Variants in TYW1B observed in about 807,000 individuals in gnomAD.
TYW1B encodes the protein S-adenosyl-L-methionine-dependent tRNA 4-demethylwyosine synthase TYW1B.
A neutral mutation model predicts 86.9 loss-of-function variants in TYW1B; 73 were observed. The ratio of observed to expected loss-of-function variants is 0.84; its 90% CI spans 0.70 to 1.02. TYW1B has a LOEUF of 1.02. Ranked by LOEUF, TYW1B falls within the 50% of genes least tolerant of loss-of-function variation. TYW1B has a pLI of 0.00. For missense variants in TYW1B, 637 were observed against 827.4 expected (o/e 0.77, Z 2.82); for synonymous variants, 248 against 292.8 (o/e 0.85, Z 1.56).
At chr7:72,815,756 T>C (rs1255118535) in intron 2 of TYW1B, among the ~76,000 whole-genome samples, 1 of 152,080 alleles carries the variant, frequency 6.6e-6, no homozygotes, top group Non-Finnish European at 1.5e-5. Context: ...AATAAACATA[T>C]CAGCCAGGCA....
intron 7 of TYW1B, among the ~76,000 whole-genome samples, chr7:72,754,023 C>T (rs782751328): frequency 2.6e-5 from 4 of 152,122 alleles, no homozygotes; most frequent in Non-Finnish European, 4.4e-5. Flanking sequence ...TGTTGGCATG[C>T]TAGCCCTACT....
In TYW1B at chr7:72,634,516, C is replaced by T. The variant is rs1812621261; in HGVS notation, c.1507-5519G>A. On this transcript the variant is annotated intron_variant, in intron 11 of 13. Coordinates refer to ENST00000620995, the MANE Select transcript of TYW1B (RefSeq NM_001145440.3). ...ACTTGTCTCTTGATGCACAAGAACA[C>T]ACATTTTCTAGGATCTACCTAAATA... is the stretch of plus-strand genomic sequence containing the variant. Among the ~76,000 whole-genome samples, 3 of 150,152 alleles carry T rather than the reference C, an allele frequency of 2.0e-5. No homozygotes were observed. In the South Asian group the frequency reaches 6.4e-4, roughly 32 times the overall value.
chr7:72,803,681 T>C (rs1192708784), intron 5 of TYW1B, among the ~76,000 whole-genome samples: 4 of 152,110 alleles, frequency 2.6e-5, no homozygotes, highest in African/African-American at 9.7e-5. Flanking sequence ...TGGCGTGATC[T>C]TGGCTCACTG....
chr7:72,780,181 G>T (rs530873877), intron 6 of TYW1B, among the ~76,000 whole-genome samples: 24 of 152,238 alleles, frequency 1.6e-4, no homozygotes, highest in Middle Eastern at 3.4e-3. Flanking sequence ...TGTCGCCCAG[G>T]CTGGTCTCAA....
chr7:72,732,315 A>G (rs1245041043), intron 8 of TYW1B, among the ~76,000 whole-genome samples: 1 of 152,182 alleles, frequency 6.6e-6, no homozygotes, highest in Non-Finnish European at 1.5e-5. Context: ...TTCATACTAC[A>G]CCTGCAGAAT....
intron 13 of TYW1B, among the ~76,000 whole-genome samples, chr7:72,595,411 T>TG (rs1392923909): frequency 2.0e-5 from 3 of 151,406 alleles, no homozygotes; most frequent in Non-Finnish European, 4.4e-5. Context: ...CCATAGTGAG[T>TG]GGTGGCTCAT....
At chr7:72,649,672 T>C (rs1813014354) in intron 11 of TYW1B, among the ~76,000 whole-genome samples, 1 of 152,176 alleles carries the variant, frequency 6.6e-6, no homozygotes. Flanking sequence ...AGCCAAATTA[T>C]GCTTCACAAA....
intron 11 of TYW1B, among the ~76,000 whole-genome samples, chr7:72,676,271 C>T (rs1554447383): frequency 6.6e-6 from 1 of 152,124 alleles, no homozygotes; most frequent in Non-Finnish European, 1.5e-5. Context: ...ATCTACGACT[C>T]ATATAAAAGG....
At chr7:72,723,134 A>C (rs1450761518) in intron 9 of TYW1B, 1 of 654,984 alleles carries the variant, frequency 1.5e-6, no homozygotes, top group African/African-American at 1.9e-5. Context: ...GGGCTTGTAT[A>C]TAGATTATAA....
At chr7:72,669,755 G>A (rs1477794892) in intron 11 of TYW1B, among the ~76,000 whole-genome samples, 1 of 151,026 alleles carries the variant, frequency 6.6e-6, no homozygotes, top group Non-Finnish European at 1.5e-5. Flanking sequence ...GGGTGATAAA[G>A]CGAGGCTCTG....
At chr7:72,724,238 C>T (rs1554458227) in intron 9 of TYW1B, among the ~76,000 whole-genome samples, 1 of 152,014 alleles carries the variant, frequency 6.6e-6, no homozygotes, top group Non-Finnish European at 1.5e-5. Flanking sequence ...TTGAGAGGCC[C>T]AGGCAGAAGG....
intron 7 of TYW1B, among the ~76,000 whole-genome samples, chr7:72,772,861 T>A (rs1216738650): frequency 2.0e-5 from 3 of 152,182 alleles, no homozygotes; most frequent in Non-Finnish European, 4.4e-5. Context: ...ATTGGAGCAA[T>A]GTCAATTTGG....
intron 13 of TYW1B, among the ~76,000 whole-genome samples, chr7:72,590,600 A>G (rs1272189245): frequency 4.6e-5 from 7 of 152,258 alleles, no homozygotes; most frequent in Non-Finnish European, 1.0e-4. Flanking sequence ...ACAGTCTTCA[A>G]AGAGAACTGA....
chr7:72,691,805 C>A (rs148239496), intron 11 of TYW1B, among the ~76,000 whole-genome samples: 18 of 152,142 alleles, frequency 1.2e-4, no homozygotes, highest in Middle Eastern at 3.4e-3. Context: ...TTTAACTTCC[C>A]GGGCATAAAA....
chr7:72,629,776 G>A (rs1194680206), intron 11 of TYW1B, among the ~76,000 whole-genome samples: 3 of 151,854 alleles, frequency 2.0e-5, no homozygotes, highest in Non-Finnish European at 2.9e-5. Context: ...TCGAACTCTC[G>A]GCCTTAAGTG....
intron 11 of TYW1B, among the ~76,000 whole-genome samples, chr7:72,692,629 A>G (rs1814198195): frequency 6.6e-6 from 1 of 152,164 alleles, no homozygotes; most frequent in South Asian, 2.1e-4. Context: ...AAGACAAAAC[A>G]GAAGAAAAAC....
intron 10 of TYW1B, among the ~76,000 whole-genome samples, chr7:72,703,013 TATATATA>T (rs1814516625): frequency 3.5e-4 from 14 of 39,454 alleles, no homozygotes; most frequent in Admixed American, 5.5e-4. Context: ...TATATATATA[TATATATA>T]TATATATTTT....
intron 2 of TYW1B, among the ~76,000 whole-genome samples, chr7:72,822,294 G>GA (rs1243250730): frequency 6.7e-6 from 1 of 150,122 alleles, no homozygotes; most frequent in Non-Finnish European, 1.5e-5. Context: ...AGGAATCCCA[G>GA]AAAAAAAGAA....
intron 13 of TYW1B, among the ~76,000 whole-genome samples, chr7:72,613,628 G>A (rs1313037057): frequency 3.3e-5 from 5 of 151,674 alleles, no homozygotes; most frequent in Admixed American, 1.3e-4. Context: ...GGTTGGTCTC[G>A]AACTCCTGAC....
Sources: allele counts gnomAD v4.1 joint callset (sites outside exome capture counted in the v4.1 genomes callset), GRCh38; gene constraint gnomAD v4.1.1; transcripts MANE v1.5; gene names NCBI Gene and HGNC (gene_info 2026-07-23, HGNC 2026-07-21).